Variants in PTPRD observed in about 807,000 individuals in gnomAD.
The protein encoded by PTPRD is protein tyrosine phosphatase receptor type D, also known as receptor-type tyrosine-protein phosphatase delta.
A neutral mutation model predicts 214.5 loss-of-function variants in PTPRD; 34 were observed. That is an observed-to-expected ratio of 0.16 (90% confidence interval 0.12 to 0.21). The LOEUF is 0.21. Among genes scored for constraint, PTPRD ranks in the 10% least tolerant of loss-of-function variants. PTPRD has a pLI of 1.00. For missense variants in PTPRD, 2,545 were observed against 2,398.7 expected, an observed-to-expected ratio of 1.06 and a Z score of -1.27; for synonymous variants, 1,128 against 845.7, an observed-to-expected ratio of 1.33 and a Z score of -5.79.
intron 2 of PTPRD, among the ~76,000 whole-genome samples, chr9:10,418,206 T>C (rs1362642159): frequency 1.3e-5 from 2 of 151,820 alleles, no homozygotes; most frequent in Non-Finnish European, 2.9e-5. Context: ...AAGCATTCAA[T>C]CTATTAATGC....
intron 11 of PTPRD, among the ~76,000 whole-genome samples, chr9:8,807,497 G>A (rs1354252928): frequency 6.6e-6 from 1 of 151,558 alleles, no homozygotes; most frequent in Non-Finnish European, 1.5e-5. Flanking sequence ...AACAAACAAA[G>A]CAACTACACA....
chr9:9,089,267 A>G (rs2154430282), intron 10 of PTPRD, among the ~76,000 whole-genome samples: 1 of 152,320 alleles, frequency 6.6e-6, no homozygotes, highest in African/African-American at 2.4e-5. Context: ...AGCCATAGTC[A>G]CAAATAATAG....
rs573308793 is a variant in PTPRD, at chr9:9,079,730, G to A, written c.-142-60995C>T. Among the ~76,000 whole-genome samples the A allele has an allele frequency of 1.5e-4, 23 of 152,164 alleles. 1 individual carries two copies. Among genetic ancestry groups the A allele is most frequent in the Non-Finnish European group, 2.9e-5 (2 of 67,988 alleles). ...CAGAAACACTTTAGGGAGGGGATCA[G>A]GACACAGAGGATCACAATATGTATG... On this transcript the variant is annotated intron_variant, in intron 10 of 45. Transcript: ENST00000381196.
chr9:8,341,550 T>A, intron 40 of PTPRD, 143 bp downstream of exon 40: 3 of 1,000,070 alleles, frequency 3.0e-6, no homozygotes, highest in Non-Finnish European at 4.4e-6. Flanking sequence ...AGGGGAGGAA[T>A]ACATTTTATA....
intron 11 of PTPRD, among the ~76,000 whole-genome samples, chr9:8,821,955 T>G (rs992659499): frequency 6.6e-6 from 1 of 152,146 alleles, no homozygotes; most frequent in Non-Finnish European, 1.5e-5. Flanking sequence ...GAGCCACCCA[T>G]CTGGCCTGAA....
intron 2 of PTPRD, among the ~76,000 whole-genome samples, chr9:10,394,957 C>CTTTTTTTTTTT (rs34786789): frequency 7.5e-6 from 1 of 133,194 alleles, no homozygotes; most frequent in Non-Finnish European, 1.6e-5. Context: ...TTTTCTTTTT[C>CTTTTTTTTTTT]TTTTTTTTTT....
At chr9:8,706,442 G>C (rs1351033124) in intron 12 of PTPRD, among the ~76,000 whole-genome samples, 1 of 152,162 alleles carries the variant, frequency 6.6e-6, no homozygotes, top group African/African-American at 2.4e-5. Flanking sequence ...AGCAGCTAAA[G>C]ACAAGTGTTC....
chr9:10,433,443 A>G (rs1214637904), intron 2 of PTPRD, among the ~76,000 whole-genome samples: 1 of 151,986 alleles, frequency 6.6e-6, no homozygotes, highest in African/African-American at 2.4e-5. Flanking sequence ...AGCCAGTCCT[A>G]TCCTCATTGC....
At chr9:10,578,392 C>T (rs570111791) in intron 2 of PTPRD, among the ~76,000 whole-genome samples, 11 of 152,072 alleles carry the variant, frequency 7.2e-5, no homozygotes, top group African/African-American at 2.4e-4. Flanking sequence ...TAGTTATGTT[C>T]AGTTTTAAAT....
intron 3 of PTPRD, among the ~76,000 whole-genome samples, chr9:10,228,819 G>C (rs573959340): frequency 2.5e-4 from 37 of 150,396 alleles, no homozygotes; most frequent in Non-Finnish European, 3.5e-4. Context: ...ACTTTATATA[G>C]ATATAAAAGT....
At chr9:8,897,335 A>G (rs921853694) in intron 11 of PTPRD, among the ~76,000 whole-genome samples, 2 of 151,930 alleles carry the variant, frequency 1.3e-5, no homozygotes, top group African/African-American at 4.8e-5. Context: ...TTTTCGTAGC[A>G]TGGTCAGAAG....
At chr9:9,321,972 G>A (rs1182776634) in intron 9 of PTPRD, among the ~76,000 whole-genome samples, 1 of 152,020 alleles carries the variant, frequency 6.6e-6, no homozygotes, top group African/African-American at 2.4e-5. Context: ...AATGTTTATT[G>A]GCAAGGCACT....
chr9:8,518,999 G>A (rs565315589), intron 20 of PTPRD, among the ~76,000 whole-genome samples: 100 of 152,226 alleles, frequency 6.6e-4, no homozygotes, highest in South Asian at 5.6e-3. Context: ...GGAATACATT[G>A]AAATGAAATT....
chr9:9,737,403 T>C (rs1236910898), intron 6 of PTPRD, among the ~76,000 whole-genome samples: 2 of 152,184 alleles, frequency 1.3e-5, no homozygotes, highest in Non-Finnish European at 2.9e-5. Context: ...ACAATTGTTT[T>C]TTCAGTATGT....
At chr9:8,337,594 C>T (rs1588030632) in intron 43 of PTPRD, among the ~76,000 whole-genome samples, 1 of 151,522 alleles carries the variant, frequency 6.6e-6, no homozygotes, top group South Asian at 2.1e-4. Context: ...TCAGGACTTA[C>T]ACTCCAGGAG....
At chr9:8,788,862 T>C (rs1449436922) in intron 11 of PTPRD, among the ~76,000 whole-genome samples, 1 of 152,204 alleles carries the variant, frequency 6.6e-6, no homozygotes, top group East Asian at 1.9e-4. Context: ...TCATGGAAAT[T>C]TAATCCAGTA....
intron 6 of PTPRD, among the ~76,000 whole-genome samples, chr9:9,765,510 G>C (rs2098699393): frequency 6.6e-6 from 1 of 152,124 alleles, no homozygotes; most frequent in Non-Finnish European, 1.5e-5. Context: ...GTGTGGGGCT[G>C]GAAGAACCTT....
rs183290855 is a variant in PTPRD, at chr9:9,516,595, T to C, written c.-237+58137A>G. On this transcript the variant is annotated intron_variant, in intron 8 of 45. Coordinates refer to ENST00000381196, the MANE Select transcript of PTPRD (RefSeq NM_002839.4). ...GCTCTGTTGCCAGGCTGGAGTGCAA[T>C]GGCACTAACTAAGCTAACTGCAACC... 3.1e-3 allele frequency among the ~76,000 whole-genome samples: 477 copies of C among 152,076 alleles called. 1 individual carries two copies. Among genetic ancestry groups the C allele is most frequent in the Non-Finnish European group, 5.0e-3 (342 of 67,972 alleles).
chr9:8,840,785 G>A (rs1054790281), intron 11 of PTPRD, among the ~76,000 whole-genome samples: 5 of 151,866 alleles, frequency 3.3e-5, no homozygotes, highest in Non-Finnish European at 5.9e-5. Flanking sequence ...TTAAATGATT[G>A]AAAATGACTG....
Sources: gnomAD v4.1 joint callset for allele counts (sites outside exome capture counted in the v4.1 genomes callset) on GRCh38, gnomAD v4.1.1 for gene constraint, MANE v1.5 for transcripts, NCBI Gene and HGNC (gene_info 2026-07-23, HGNC 2026-07-21) for gene names.